Variants in RP1L1 observed in about 807,000 individuals in gnomAD.
RP1L1 encodes the protein RP1 like 1.
RP1L1 carries 27 observed loss-of-function variants against 15.7 expected under a neutral mutation model. The ratio of observed to expected loss-of-function variants is 1.72; its 90% CI spans 1.27 to 2.38. The LOEUF (loss-of-function observed/expected upper bound fraction) is 2.38, where lower values mean the gene tolerates loss of function less well. RP1L1 is among the 30% of genes most tolerant of loss of function. The probability of loss-of-function intolerance (pLI) is 0.00; values close to 1 mark genes in which losing one functional copy is unlikely to be tolerated. For missense variants in RP1L1, 4,798 were observed against 3,075.9 expected (o/e 1.56, Z -13.24); for synonymous variants, 1,813 against 1,276.7 (o/e 1.42, Z -8.96).
At chr8:10,635,224 G>T (rs995994613) in intron 1 of RP1L1, among the ~76,000 whole-genome samples, 5 of 152,192 alleles carry the variant, frequency 3.3e-5, no homozygotes, top group African/African-American at 1.2e-4. Flanking sequence ...CTGGAAACTG[G>T]GGGAGGAAAT....
At chr8:10,619,169 C>T (rs1798019219) in intron 2 of RP1L1, among the ~76,000 whole-genome samples, 1 of 152,186 alleles carries the variant, frequency 6.6e-6, no homozygotes, top group African/African-American at 2.4e-5. Context: ...CATGACTGGC[C>T]CAGTACTGCA....
Position 10,612,190 on chromosome 8 carries a change from C to T in RP1L1, c.1908G>A (p.Gln636=), listed in dbSNP as rs1309445441. The T allele has an allele frequency of 5.0e-5, 80 of 1,613,390 alleles. No individual in the cohort carries two copies. The highest frequency in any genetic ancestry group is 6.6e-5 in the Non-Finnish European group (78 of 1,180,022). The change falls in exon 4 of 4, where the codon CAG becomes CAA. Residue 636 remains glutamine, a synonymous_variant. Coordinates refer to ENST00000382483, the MANE Select transcript of RP1L1 (RefSeq NM_178857.6). ...STPSTCTSSQ[Q]GQRRHRSRAS... ...CCCGGCTTCTGTGCCTTCTCTGCCCCTGCTGGGATGAAGTGCAGGTGGAAG... is the reference window on the plus strand; with the variant it reads ...CCCGGCTTCTGTGCCTTCTCTGCCCTTGCTGGGATGAAGTGCAGGTGGAAG...
rs183549260 is a variant in RP1L1 at position 10,618,199 on chromosome 8, G to A, written c.610-1612C>T. 2.1e-3 allele frequency among the ~76,000 whole-genome samples: 323 copies of A among 152,154 alleles called. 2 individuals carry two copies. Among genetic ancestry groups the A allele is most frequent in the African/African-American group, 7.0e-3 (292 of 41,512 alleles). On this transcript the variant is annotated intron_variant, in intron 2 of 3. Coordinates refer to ENST00000382483, the MANE Select transcript of RP1L1 (RefSeq NM_178857.6). ...TCACTTTTCTTATCTGTCCCAAGGG[G>A]ATAATAATATCAGCTACCAGCCAGA...
At chr8:10,642,029 TC>T (rs1798414620) in intron 1 of RP1L1, among the ~76,000 whole-genome samples, 1 of 152,146 alleles carries the variant, frequency 6.6e-6, no homozygotes, top group East Asian at 1.9e-4. Flanking sequence ...GGATCAATGG[TC>T]AATGTCTTGG....
At chr8:10,615,130 G>T (rs995498910) in intron 3 of RP1L1, among the ~76,000 whole-genome samples, 2 of 152,120 alleles carry the variant, frequency 1.3e-5, no homozygotes, top group African/African-American at 2.4e-5. Context: ...AACTGTCCTT[G>T]TGCCTCCAGT....
Position 10,622,820 on chromosome 8 carries a change from G to C in RP1L1, c.382C>G (p.Gln128Glu). 3 of 1,613,652 alleles carry C rather than the reference G, an allele frequency of 1.9e-6. No homozygotes were observed. The highest frequency in any genetic ancestry group is 1.7e-6 in the Non-Finnish European group (2 of 1,179,724). The change falls in exon 2 of 4, where the codon CAG (glutamine) becomes GAG (glutamate). Residue 128 changes from glutamine (Q) to glutamate (E), a missense_variant. Coordinates refer to ENST00000382483, the MANE Select transcript of RP1L1 (RefSeq NM_178857.6). ...CGCTGGCCTTCGACATCCCGCAACTGCTGAGCAGTGGGGTTTCTCTCCTGT... is the reference window on the plus strand; with the variant it reads ...CGCTGGCCTTCGACATCCCGCAACTCCTGAGCAGTGGGGTTTCTCTCCTGT... Reference protein sequence around the residue: ...RPQERNPTAQQLRDVEGQREA... With the variant: ...RPQERNPTAQELRDVEGQREA...
rs748540099 is a variant in RP1L1 at position 10,612,118 on chromosome 8, G to C, written c.1980C>G (p.Ala660=). The C allele has an allele frequency of 1.2e-6, 2 of 1,613,598 alleles. No individual in the cohort carries two copies. The highest frequency in any genetic ancestry group is 1.7e-6 in the Non-Finnish European group (2 of 1,180,044). ...SPSSPGLGRV[A]PRGHPRHSHY... ...GAGAATGCCTGGGATGGCCTCTCGGGGCCACTCGGCCAAGGCCAGGGCTGC... is the reference window on the plus strand; with the variant it reads ...GAGAATGCCTGGGATGGCCTCTCGGCGCCACTCGGCCAAGGCCAGGGCTGC... Residue 660 remains alanine (A), a synonymous_variant, in exon 4 of 4, where the codon GCC becomes GCG. Coordinates refer to ENST00000382483, the MANE Select transcript of RP1L1 (RefSeq NM_178857.6).
chr8:10,611,068 TCCCG>T lies in RP1L1; in HGVS notation c.3026_3029del (p.Ala1009AspfsTer61), dbSNP rs1797840556. The T allele has an allele frequency of 5.6e-6, 9 of 1,612,808 alleles. No individual in the cohort carries two copies. In the East Asian group the frequency reaches 2.0e-4, roughly 36 times the overall value. On this transcript the variant is annotated frameshift_variant, in exon 4 of 4. Transcript: ENST00000382483. LOFTEE classifies it low-confidence loss of function (END_TRUNC). ...CGGGGTCCCCTTCCAGGGACTGCTGTCCCGCCTGAGCTGGCTCCCCCAGGCCTTC... is the reference window on the plus strand; with the variant it reads ...CGGGGTCCCCTTCCAGGGACTGCTGTCCTGAGCTGGCTCCCCCAGGCCTTC...
At chr8:10,628,070 C>G (rs1305214003) in intron 1 of RP1L1, among the ~76,000 whole-genome samples, 5 of 152,224 alleles carry the variant, frequency 3.3e-5, no homozygotes, top group African/African-American at 1.2e-4. Context: ...AATGGATGAG[C>G]AACCCAGCTG....
Position 10,613,278 on chromosome 8 carries a change from G to C in RP1L1, c.820C>G (p.Leu274Val). The change falls in exon 4 of 4, where the codon CTG becomes GTG. Residue 274 changes from leucine (L) to valine (V), a missense_variant. Physicochemically the swap from Leu to Val is conservative, Grantham distance 32. Transcript: ENST00000382483. Reference protein sequence around the residue: ...SRSPPGSTPRLPERPGPSNPP... With the variant: ...SRSPPGSTPRVPERPGPSNPP... ...TTGCTAGGACCAGGCCTTTCTGGCA[G>C]CCGTGGCGTGCTGCCTGGCGGAGAC... is the stretch of plus-strand genomic sequence containing the variant. The C allele has an allele frequency of 6.2e-7, 1 of 1,607,554 alleles. No individual in the cohort carries two copies. Among genetic ancestry groups the C allele is most frequent in the Non-Finnish European group, 8.5e-7 (1 of 1,179,990 alleles).
chr8:10,608,545 T>A lies in RP1L1; in HGVS notation c.5553A>T (p.Val1851=), dbSNP rs1022082534. Residue 1851 remains valine, a synonymous_variant, in exon 4 of 4, where the codon GTA becomes GTT. Transcript: ENST00000382483. ...CATCCCCTTCTGCCTCTGGGGCCTCTACACCTTCTGACTCTGGCTGGGCCT... is the reference window on the plus strand; with the variant it reads ...CATCCCCTTCTGCCTCTGGGGCCTCAACACCTTCTGACTCTGGCTGGGCCT... ...EGEAQPESEG[V]EAPEAEGDAQ... The A allele has an allele frequency of 6.2e-7, 1 of 1,600,740 alleles. No individual in the cohort carries two copies. Among genetic ancestry groups the A allele is most frequent in the African/African-American group, 1.3e-5 (1 of 74,740 alleles).
intron 1 of RP1L1, among the ~76,000 whole-genome samples, chr8:10,636,719 G>A (rs781313413): frequency 6.6e-6 from 1 of 152,250 alleles, no homozygotes; most frequent in Non-Finnish European, 1.5e-5. Context: ...CAGGAGGGCA[G>A]CGGTCAAGCA....
chr8:10,635,673 G>T lies in RP1L1; in HGVS notation c.-19-12453C>A, dbSNP rs1246044655. Among the ~76,000 whole-genome samples, 3 of 152,222 alleles carry T rather than the reference G, an allele frequency of 2.0e-5. No homozygotes were observed. The East Asian group carries it at 5.8e-4, about 29-fold the overall frequency. On this transcript the variant is annotated intron_variant, in intron 1 of 3. Transcript: ENST00000382483. ...CTGCTCTTTTCTTTCCTTCCCTCGT[G>T]ACACAGAGCTATTGATGGCCAAGAA...
intron 3 of RP1L1, among the ~76,000 whole-genome samples, chr8:10,613,974 CATA>C (rs1379371469): frequency 6.6e-6 from 1 of 152,156 alleles, no homozygotes; most frequent in Non-Finnish European, 1.5e-5. Flanking sequence ...GTAAAATAAG[CATA>C]ATAATATTGA....
Position 10,612,106 on chromosome 8 carries a change from A to T in RP1L1, c.1992T>A (p.His664Gln). 1 of 1,613,754 alleles carries T rather than the reference A, an allele frequency of 6.2e-7. No homozygotes were observed. Among genetic ancestry groups the T allele is most frequent in the Non-Finnish European group, 8.5e-7 (1 of 1,180,020 alleles). ...CCTTGCGGTAGTGAGAATGCCTGGG[A>T]TGGCCTCTCGGGGCCACTCGGCCAA... ...PGLGRVAPRGHPRHSHYRKDT... is the reference protein window; with the variant it reads ...PGLGRVAPRGQPRHSHYRKDT... Residue 664 changes from histidine to glutamine, a missense_variant, in exon 4 of 4, where the codon CAT (histidine) becomes CAA (glutamine). His to Gln is a conservative substitution (Grantham distance 24). Coordinates refer to ENST00000382483, the MANE Select transcript of RP1L1 (RefSeq NM_178857.6).
At chr8:10,623,285 C>G in intron 1 of RP1L1, 65 bp from the exon 2 acceptor site, 1 of 1,286,864 alleles carries the variant, frequency 7.8e-7, no homozygotes, top group East Asian at 2.4e-5. Flanking sequence ...CCTGTCTCTT[C>G]CCGTCTTTCT....
At position 10,608,866 on chromosome 8, in the gene RP1L1, C is replaced by G. The variant is rs970263504; in HGVS notation, c.5232G>C (p.Glu1744Asp). ...TGAGTCTCTGGCTCCCCTCGCCATC[C>G]TCACCCTCGTCCACTCCAGGCCCCT... ...LSQGPGVDEG[E>D]DGEGSQRLNR... The change falls in exon 4 of 4, where the codon GAG becomes GAC. Residue 1744 changes from glutamate (E) to aspartate (D), a missense_variant. Glu to Asp is a conservative substitution (Grantham distance 45, BLOSUM62 2). Coordinates refer to ENST00000382483, the MANE Select transcript of RP1L1 (RefSeq NM_178857.6). 1 of 1,613,908 alleles carries G rather than the reference C, an allele frequency of 6.2e-7. No individual in the cohort carries two copies. Among genetic ancestry groups the G allele is most frequent in the Non-Finnish European group, 8.5e-7 (1 of 1,180,044 alleles).
At position 10,622,989 on chromosome 8, in the gene RP1L1, G is replaced by A. The variant is rs182267291; in HGVS notation, c.213C>T (p.Arg71=). 443 of 1,614,158 alleles carry A rather than the reference G, an allele frequency of 2.7e-4. 1 individual carries two copies. Among genetic ancestry groups the A allele is most frequent in the Admixed American group, 5.0e-4 (30 of 60,024 alleles). ...AGCGCACCCCAAAGGAGAGAGGCAC[G>A]CGCTGGGAGAGCTCGTCCATGAGGG... is the stretch of plus-strand genomic sequence containing the variant. The part of the protein sequence containing the change: ...FSALMDELSQ[R]VPLSFGVRSV... The change falls in exon 2 of 4, where the codon CGC becomes CGT. Residue 71 remains arginine, a synonymous_variant. Coordinates refer to ENST00000382483, the MANE Select transcript of RP1L1 (RefSeq NM_178857.6).
At chr8:10,637,195 G>A (rs1463058384) in intron 1 of RP1L1, among the ~76,000 whole-genome samples, 1 of 152,200 alleles carries the variant, frequency 6.6e-6, no homozygotes, top group Non-Finnish European at 1.5e-5. Context: ...CAGCAAGGCT[G>A]CCTCTCCCCA....
Sources: allele counts gnomAD v4.1 joint callset (sites outside exome capture counted in the v4.1 genomes callset), GRCh38; gene constraint gnomAD v4.1.1; transcripts MANE v1.5; gene names NCBI Gene and HGNC (gene_info 2026-07-23, HGNC 2026-07-21).